The following OVGP1 variants were observed in gnomAD, a reference collection of about 807,000 sequenced individuals.
The protein encoded by OVGP1 is oviduct-specific glycoprotein.
A neutral mutation model predicts 48.2 loss-of-function variants in OVGP1; 26 were observed. The ratio of observed to expected loss-of-function variants is 0.54; its 90% CI spans 0.40 to 0.75. The LOEUF (loss-of-function observed/expected upper bound fraction) is 0.75, where lower values mean the gene tolerates loss of function less well. Among genes scored for constraint, OVGP1 ranks in the 30% least tolerant of loss-of-function variants. The probability of loss-of-function intolerance (pLI) is 0.00; values close to 1 mark genes in which losing one functional copy is unlikely to be tolerated. For synonymous variants in OVGP1, 294 were observed against 305.7 expected, an observed-to-expected ratio of 0.96 and a Z score of 0.40; for missense variants, 791 against 820.6, an observed-to-expected ratio of 0.96 and a Z score of 0.44.
rs754440318 is a variant in OVGP1, at chr1:111,415,252, A to G, written c.1249T>C (p.Trp417Arg). 20 of 1,614,084 alleles carry G rather than the reference A, an allele frequency of 1.2e-5. No individual in the cohort carries two copies. Among genetic ancestry groups the G allele is most frequent in the South Asian group, 9.9e-5 (9 of 91,094 alleles). The change falls in exon 11 of 11, where the codon TGG becomes CGG. Residue 417 changes from tryptophan to arginine, a missense_variant. Physicochemically the swap from Trp to Arg is moderately radical, Grantham distance 101. Coordinates refer to ENST00000369732, the MANE Select transcript of OVGP1 (RefSeq NM_002557.4). ...GGCAAAATCTTACTATCAGTGGTCC[A>G]TGCCGTGGTCACAGCCAGCCTTTCA... ...DPERLAVTTA[W>R]TTDSKILPPG...
rs895639584 is a variant in OVGP1 at position 111,416,329 on chromosome 1, G to T, written c.1150C>A (p.Arg384=). ...LVYVLNDILV[R]AEFSSTSLPQ... ...CTAGGTCACAGCTACTTACCAGCCCGCACCAGGATATCATTCAATACGTAG... is the reference window on the plus strand; with the variant it reads ...CTAGGTCACAGCTACTTACCAGCCCTCACCAGGATATCATTCAATACGTAG... Residue 384 remains arginine (R), a synonymous_variant, in exon 10 of 11, where the codon CGG becomes AGG. Coordinates refer to ENST00000369732, the MANE Select transcript of OVGP1 (RefSeq NM_002557.4). The T allele has an allele frequency of 5.1e-6, 8 of 1,581,906 alleles. No homozygotes were observed. The highest frequency in any genetic ancestry group is 6.9e-6 in the Non-Finnish European group (8 of 1,161,328).
rs747502450 is a variant in OVGP1, at chr1:111,426,577, C to T, written c.120G>A (p.Ser40=). ...AGGGGTCCAGGTCATGGGGCAAGAT[C>T]GAGGCAGGGCCTGGCCGACTGTGTG... is the stretch of plus-strand genomic sequence containing the variant. ...NWAHSRPGPA[S]ILPHDLDPFL... Residue 40 remains serine, a synonymous_variant, in exon 3 of 11, where the codon TCG becomes TCA. Coordinates refer to ENST00000369732, the MANE Select transcript of OVGP1 (RefSeq NM_002557.4). 71 of 1,613,902 alleles carry T rather than the reference C, an allele frequency of 4.4e-5. No individual in the cohort carries two copies. Among genetic ancestry groups the T allele is most frequent in the Middle Eastern group, 1.6e-4 (1 of 6,084 alleles).
At position 111,427,061 on chromosome 1, in the gene OVGP1, C is replaced by A. The variant is rs559190809; in HGVS notation, c.55+1G>T. 4.2e-5 allele frequency: 68 copies of A among 1,613,968 alleles called. No homozygotes were observed. The highest frequency in any genetic ancestry group is 5.7e-5 in the Non-Finnish European group (67 of 1,179,990). On this transcript the variant is annotated splice_donor_variant, in intron 2 of 10. Transcript: ENST00000369732. LOFTEE classifies it high-confidence loss of function. ...TGGAAGGGAAAACACAGTTTCCTTA[C>A]CATCGTGGTGTTTCAGCACAAGAAC...
intron 4 of OVGP1, 139 bp downstream of exon 4, chr1:111,425,244 G>T: frequency 3.3e-6 from 3 of 897,206 alleles, no homozygotes; most frequent in South Asian, 1.7e-5. Context: ...TGAGTGCAGG[G>T]GTCTAAGATT....
chr1:111,425,654 A>T, intron 3 of OVGP1: 1 of 858,170 alleles, frequency 1.2e-6, no homozygotes, highest in Non-Finnish European at 1.8e-6. Context: ...GGGCCATCAC[A>T]GCCCAACAAC....
intron 2 of OVGP1, 93 bp from the exon 3 acceptor site, chr1:111,426,734 C>T: frequency 6.4e-7 from 1 of 1,553,808 alleles, no homozygotes. Flanking sequence ...CCCAAGAGAC[C>T]AGGCCACATT....
rs548358967 is a variant in OVGP1, at chr1:111,426,618, A to G, written c.79T>C (p.Tyr27His). 6.8e-6 allele frequency: 11 copies of G among 1,613,954 alleles called. No homozygotes were observed. Among genetic ancestry groups the G allele is most frequent in the Non-Finnish European group, 9.3e-6 (11 of 1,179,976 alleles). ...HDGAAHKLVC[Y>H]FTNWAHSRPG... is the part of the protein sequence containing the mutation. ...CGACTGTGTGCCCAGTTGGTGAAATAACACACGAGTTTATGGGCAGCACCT... is the reference window on the plus strand; with the variant it reads ...CGACTGTGTGCCCAGTTGGTGAAATGACACACGAGTTTATGGGCAGCACCT... Residue 27 changes from tyrosine to histidine, a missense_variant, in exon 3 of 11, where the codon TAT (tyrosine) becomes CAT (histidine). Physicochemically the swap from Tyr to His is moderately conservative, Grantham distance 83. Transcript: ENST00000369732.
chr1:111,420,415 T>C (rs900425320), intron 8 of OVGP1, among the ~76,000 whole-genome samples: 2 of 152,214 alleles, frequency 1.3e-5, no homozygotes, highest in Admixed American at 6.5e-5. Flanking sequence ...AAATGCTTCA[T>C]TGGGTTAGAA....
chr1:111,418,053 A>G (rs544803986), intron 9 of OVGP1, among the ~76,000 whole-genome samples: 1 of 152,334 alleles, frequency 6.6e-6, no homozygotes, highest in African/African-American at 2.4e-5. Context: ...CTTTGCCCAG[A>G]ATCCTCAAAC....
At chr1:111,424,599 C>T (rs1244355523) in intron 4 of OVGP1, among the ~76,000 whole-genome samples, 1 of 152,178 alleles carries the variant, frequency 6.6e-6, no homozygotes, top group South Asian at 2.1e-4. Context: ...CGGGATAATG[C>T]GTGTACAGCC....
At chr1:111,416,235 A>C in intron 10 of OVGP1, 88 bp downstream of exon 10, 2 of 1,352,030 alleles carry the variant, frequency 1.5e-6, no homozygotes, top group Non-Finnish European at 2.0e-6. Flanking sequence ...ATGTTGCCTC[A>C]CCAAGGCATT....
Position 111,416,673 on chromosome 1 carries a change from A to C in OVGP1, c.1021-215T>G. On this transcript the variant is annotated intron_variant, in intron 9 of 10. Transcript: ENST00000369732. The stretch of plus-strand genomic sequence containing the variant: ...TCTTAACTGCCTCATTTGTGAAAAA[A>C]AAAAAAGAGGATAATAACATGTCCA... 1.5e-5 allele frequency: 6 copies of C among 413,436 alleles called. No individual in the cohort carries two copies. The Admixed American group carries it at 2.6e-4, about 18-fold the overall frequency. 25.6% of individuals were successfully genotyped at this position (413,436 alleles called of 1,614,324 possible). A position where few individuals can be genotyped will look rare whatever the true frequency, so the allele number is the denominator to read the frequency against.
At chr1:111,419,960 C>A (rs1652222771) in intron 8 of OVGP1, among the ~76,000 whole-genome samples, 1 of 152,166 alleles carries the variant, frequency 6.6e-6, no homozygotes, top group Non-Finnish European at 1.5e-5. Context: ...AAAAAGGGAA[C>A]CAAAGAGTGG....
chr1:111,426,192 G>A (rs756597084), intron 3 of OVGP1, among the ~76,000 whole-genome samples: 1 of 152,184 alleles, frequency 6.6e-6, no homozygotes, highest in Non-Finnish European at 1.5e-5. Flanking sequence ...GTTTTGCCAG[G>A]CAGAGAAGAG....
chr1:111,423,800 G>A lies in OVGP1; in HGVS notation c.318-92C>T, dbSNP rs114897754. The stretch of plus-strand genomic sequence containing the variant: ...TTGCAAGCTTGGTTCCCTGTGGTGG[G>A]CCTGGCAGATGTGGCTGGAGGAAAG... On this transcript the variant is annotated intron_variant, in intron 4 of 10. Coordinates refer to ENST00000369732, the MANE Select transcript of OVGP1 (RefSeq NM_002557.4). 4,278 of 1,263,364 alleles carry A rather than the reference G, an allele frequency of 3.4e-3. 106 individuals carry two copies. In the African/African-American group the frequency reaches 0.055, roughly 16 times the overall value. 78.3% of individuals were successfully genotyped at this position (1,263,364 alleles called of 1,614,324 possible). A position where few individuals can be genotyped will look rare whatever the true frequency, so the allele number is the denominator to read the frequency against.
chr1:111,417,866 A>G lies in OVGP1; in HGVS notation c.1021-1408T>C, dbSNP rs566812351. Among the ~76,000 whole-genome samples the G allele has an allele frequency of 5.3e-5, 8 of 152,302 alleles. No individual in the cohort carries two copies. In the East Asian group the frequency reaches 1.2e-3, roughly 22 times the overall value. On this transcript the variant is annotated intron_variant, in intron 9 of 10. Coordinates refer to ENST00000369732, the MANE Select transcript of OVGP1 (RefSeq NM_002557.4). Reference sequence around the variant, plus strand: ...AGAACTCTGAAATTATGAGACTCAGAGCTTATATAGAATGGTTGACATATG... The same window carrying G: ...AGAACTCTGAAATTATGAGACTCAGGGCTTATATAGAATGGTTGACATATG...
At position 111,414,739 on chromosome 1, in the gene OVGP1, G is replaced by T; in HGVS notation, c.1762C>A (p.Gln588Lys). The T allele has an allele frequency of 6.2e-7, 1 of 1,613,432 alleles. No homozygotes were observed. The highest frequency in any genetic ancestry group is 1.3e-5 in the African/African-American group (1 of 75,040). Residue 588 changes from glutamine to lysine, a missense_variant, in exon 11 of 11, where the codon CAG becomes AAG. Gln to Lys is a moderately conservative substitution (Grantham distance 53). Coordinates refer to ENST00000369732, the MANE Select transcript of OVGP1 (RefSeq NM_002557.4). ...SRNISVTPEG[Q>K]TMPLRGENLT... ...TTCTCCCCTCTTAAAGGCATAGTCT[G>T]CCCTTCAGGGGTGACTGATATGTTT...
chr1:111,418,395 C>T (rs1652184034), intron 9 of OVGP1, among the ~76,000 whole-genome samples: 1 of 152,134 alleles, frequency 6.6e-6, no homozygotes. Context: ...AGAGCAAGAT[C>T]CCAGAGGGGA....
At position 111,421,794 on chromosome 1, in the gene OVGP1, T is replaced by A. The variant is rs564182093; in HGVS notation, c.609-121A>T. ...GTCACCAGAGCTTCCCTGCTCCTTCTGCCTGTGGGGCCTGCCCAGGCTGTG... is the reference window on the plus strand; with the variant it reads ...GTCACCAGAGCTTCCCTGCTCCTTCAGCCTGTGGGGCCTGCCCAGGCTGTG... On this transcript the variant is annotated intron_variant, in intron 6 of 10. Transcript: ENST00000369732. 91 of 658,724 alleles carry A rather than the reference T, an allele frequency of 1.4e-4. 3 individuals carry two copies. In the South Asian group the frequency reaches 1.7e-3, roughly 12 times the overall value. 40.8% of individuals were successfully genotyped at this position (658,724 alleles called of 1,614,324 possible). A position where few individuals can be genotyped will look rare whatever the true frequency, so the allele number is the denominator to read the frequency against.
Sources: allele counts gnomAD v4.1 joint callset (sites outside exome capture counted in the v4.1 genomes callset), GRCh38; gene constraint gnomAD v4.1.1; transcripts MANE v1.5; gene names NCBI Gene and HGNC (gene_info 2026-07-23, HGNC 2026-07-21).